The following GSN variants were observed in gnomAD, a reference collection of about 807,000 sequenced individuals.
GSN encodes the protein gelsolin, also known as actin-depolymerizing factor.
A neutral mutation model predicts 85.7 loss-of-function variants in GSN; 56 were observed. The ratio of observed to expected loss-of-function variants is 0.65; its 90% CI spans 0.53 to 0.82. GSN has a LOEUF of 0.82. GSN is among the 40% of genes least tolerant of loss of function. The probability of loss-of-function intolerance (pLI) is 0.00; values close to 1 mark genes in which losing one functional copy is unlikely to be tolerated. For missense variants in GSN, 857 were observed against 979.8 expected (o/e 0.87, Z 1.67); for synonymous variants, 373 against 399.1 (o/e 0.93, Z 0.78).
intron 2 of GSN, chr9:121,284,301 T>G (rs935291243): frequency 2.4e-5 from 4 of 167,100 alleles, no homozygotes; most frequent in African/African-American, 9.7e-5. Flanking sequence ...CCTGATGCTG[T>G]GCCTTGGTAC....
In GSN at chr9:121,332,698, G is replaced by T; in HGVS notation, c.*95G>T. ...AGAGCGAGCAGAGCAGCTCTGCTAT[G>T]AGTGTGTGTGTGTGTGTGTGTTGTT... is the stretch of plus-strand genomic sequence containing the variant. On this transcript the variant is annotated 3_prime_UTR_variant, in exon 18 of 18. Coordinates refer to ENST00000432226, the MANE Select transcript of GSN (RefSeq NM_198252.3). The surrounding 1 kb of genome is among the most constrained non-coding windows in gnomAD (Gnocchi z 4.8). 3.5e-6 allele frequency: 3 copies of T among 860,658 alleles called. No homozygotes were observed. Among genetic ancestry groups the T allele is most frequent in the Non-Finnish European group, 5.5e-6 (3 of 540,752 alleles). The allele number at this position is 860,658 out of a possible 1,614,324, so 53.3% of individuals were successfully genotyped here.
chr9:121,224,150 G>C lies in GSN; in HGVS notation c.-527-7015G>C, dbSNP rs935614693. ...CTTGCTTTGTCGCCCAGGCTGGAGT[G>C]CAGTGGTGCGATCTTGGCTCACTGC... is the stretch of plus-strand genomic sequence containing the variant. On this transcript the variant is annotated intron_variant, in intron 4 of 24. Coordinates refer to the GSN transcript ENST00000373823. Among the ~76,000 whole-genome samples, 12 of 152,078 alleles carry C rather than the reference G, an allele frequency of 7.9e-5. No homozygotes were observed. The South Asian group carries it at 2.5e-3, about 32-fold the overall frequency.
chr9:121,222,553 A>G (rs1448307069), intron 4 of GSN, among the ~76,000 whole-genome samples: 1 of 152,314 alleles, frequency 6.6e-6, no homozygotes, highest in East Asian at 1.9e-4. Context: ...CTGTACATTT[A>G]TTTATTGTAC....
upstream of GSN, among the ~76,000 whole-genome samples, chr9:121,266,451 C>T (rs2055207300): frequency 6.6e-6 from 1 of 152,136 alleles, no homozygotes; most frequent in Non-Finnish European, 1.5e-5. Context: ...TGCATTGGGC[C>T]CCAGGCAGCC....
chr9:121,283,676 T>TTCAC (rs984817479), intron 2 of GSN: 12 of 15,862 alleles, frequency 7.6e-4, no homozygotes, highest in African/African-American at 2.8e-3. Flanking sequence ...TATAGGTTCA[T>TTCAC]TCATTCATTC....
chr9:121,291,823 G>C (rs1158168036), intron 2 of GSN, among the ~76,000 whole-genome samples: 1 of 152,150 alleles, frequency 6.6e-6, no homozygotes, highest in African/African-American at 2.4e-5. Context: ...AGCTCAGAGA[G>C]GTTGTGTCCC....
intron 1 of GSN, among the ~76,000 whole-genome samples, chr9:121,269,504 C>T (rs1822472471): frequency 6.6e-6 from 1 of 152,098 alleles, no homozygotes; most frequent in East Asian, 1.9e-4. Context: ...ACAAGCATTC[C>T]CTGTACATAC....
rs2062953070 is a variant in GSN, at chr9:121,324,776, T to TCCAC, written c.1416+135_1416+136insCCCA. The TCCAC allele has an allele frequency of 4.4e-6, 3 of 678,240 alleles. No individual in the cohort carries two copies. In the South Asian group the frequency reaches 4.6e-5, roughly 10 times the overall value. The allele number at this position is 678,240 out of a possible 1,614,324, so 42.0% of individuals were successfully genotyped here. A position where few individuals can be genotyped will look rare whatever the true frequency, so the allele number is the denominator to read the frequency against. On this transcript the variant is annotated intron_variant, in intron 12 of 17. Transcript: ENST00000432226. ...GTCCATCCATCCATCCATCCATCCA[T>TCCAC]CCATCCATCCATCCATCCATGGAAC...
intron 1 of GSN, among the ~76,000 whole-genome samples, chr9:121,276,972 T>C (rs1416925071): frequency 1.3e-5 from 2 of 152,144 alleles, no homozygotes; most frequent in Non-Finnish European, 2.9e-5. Context: ...AACCTGGTGG[T>C]GGTCATACGC....
intron 4 of GSN, among the ~76,000 whole-genome samples, chr9:121,223,734 G>A (rs12341693): frequency 0.13 from 19,948 of 151,712 alleles, 1,937 homozygotes; most frequent in African/African-American, 0.25. Flanking sequence ...ATCTCAGCTC[G>A]CTGCAAACCC....
chr9:121,248,064 G>C (rs947175407), intron 5 of GSN, among the ~76,000 whole-genome samples: 2 of 152,200 alleles, frequency 1.3e-5, no homozygotes, highest in Non-Finnish European at 2.9e-5. Context: ...GAGTTAGATA[G>C]GACAGATGTT....
Position 121,261,603 on chromosome 9 carries a change from A to C in GSN, c.-340-3551A>C, listed in dbSNP as rs1409043779. Among the ~76,000 whole-genome samples, 2 of 152,380 alleles carry C rather than the reference A, an allele frequency of 1.3e-5. No individual in the cohort carries two copies. Among genetic ancestry groups the C allele is most frequent in the East Asian group, 3.9e-4 (2 of 5,192 alleles). Reference sequence around the variant, plus strand: ...CAGCTTTGGAGGAGATAATGCCCAGAGCAGGCATCCATGAATATGGTTTCC... The same window carrying C: ...CAGCTTTGGAGGAGATAATGCCCAGCGCAGGCATCCATGAATATGGTTTCC... On this transcript the variant is annotated intron_variant, in intron 6 of 24. Transcript: ENST00000373823. This position sits in a 1 kb window ranked among gnomAD's most constrained non-coding sequence, Gnocchi z 4.1.
intron 4 of GSN, among the ~76,000 whole-genome samples, chr9:121,219,095 G>A (rs2054120039): frequency 6.6e-6 from 1 of 152,110 alleles, no homozygotes; most frequent in African/African-American, 2.4e-5. Flanking sequence ...TCCTGAGGAT[G>A]CTTCCTTGAT....
intron 4 of GSN, among the ~76,000 whole-genome samples, chr9:121,227,977 G>A (rs1295260228): frequency 1.3e-5 from 2 of 151,964 alleles, no homozygotes; most frequent in East Asian, 3.9e-4. Context: ...GTCCATATGG[G>A]GGCTAGTTAG....
intron 6 of GSN, among the ~76,000 whole-genome samples, chr9:121,251,154 A>G (rs1588483798): frequency 7.2e-6 from 1 of 139,422 alleles, no homozygotes; most frequent in African/African-American, 2.7e-5. Context: ...AAATTTTTGA[A>G]CTGAAGTATA....
At chr9:121,269,603 C>T (rs536656305) in intron 1 of GSN, among the ~76,000 whole-genome samples, 24 of 152,214 alleles carry the variant, frequency 1.6e-4, no homozygotes, top group Middle Eastern at 3.4e-3. Context: ...TGGGAACGGT[C>T]GGCTTTCAGC....
intron 4 of GSN, chr9:121,309,461 G>A (rs2060822494): frequency 6.6e-6 from 1 of 152,188 alleles, no homozygotes; most frequent in Non-Finnish European, 1.5e-5. Context: ...CAGCATTGTT[G>A]TGGCGGGGCA....
chr9:121,305,944 C>T (rs557552314), intron 4 of GSN, among the ~76,000 whole-genome samples: 1 of 152,314 alleles, frequency 6.6e-6, no homozygotes, highest in South Asian at 2.1e-4. Flanking sequence ...ATTCTGTCCT[C>T]GGAGTGTGAG....
chr9:121,294,731 C>G (rs892396655), intron 2 of GSN, among the ~76,000 whole-genome samples: 1 of 152,206 alleles, frequency 6.6e-6, no homozygotes, highest in African/African-American at 2.4e-5. Context: ...GGCCTCAGTT[C>G]TGGCCTGGTT....
Sources: allele counts gnomAD v4.1 joint callset (sites outside exome capture counted in the v4.1 genomes callset), GRCh38; gene constraint gnomAD v4.1.1; non-coding constraint Gnocchi (gnomAD v3.1); transcripts MANE v1.5; gene names NCBI Gene and HGNC (gene_info 2026-07-23, HGNC 2026-07-21).